LSAMP: variants seen among roughly 807,000 people sequenced by gnomAD.
LSAMP encodes the protein limbic system-associated membrane protein.
A neutral mutation model predicts 38.6 loss-of-function variants in LSAMP; 7 were observed. The ratio of observed to expected loss-of-function variants is 0.18; its 90% CI spans 0.10 to 0.34. The LOEUF is 0.34. Among genes scored for constraint, LSAMP ranks in the 10% least tolerant of loss-of-function variants. The probability of loss-of-function intolerance (pLI) is 1.00; values close to 1 mark genes in which losing one functional copy is unlikely to be tolerated. For missense variants in LSAMP, 313 were observed against 420.0 expected (o/e 0.75, Z 2.23); for synonymous variants, 154 against 166.8 (o/e 0.92, Z 0.59).
chr3:116,111,422 T>A (rs1708612786), intron 1 of LSAMP, among the ~76,000 whole-genome samples: 1 of 152,184 alleles, frequency 6.6e-6, no homozygotes, highest in African/African-American at 2.4e-5. Flanking sequence ...GCTCATAAAT[T>A]TTCACTGAGA....
intron 4 of LSAMP, among the ~76,000 whole-genome samples, chr3:115,848,644 G>A (rs1395894232): frequency 1.3e-5 from 2 of 152,190 alleles, no homozygotes; most frequent in African/African-American, 4.8e-5. Flanking sequence ...CTCCCCAAGT[G>A]CCCCAGCATG....
intron 6 of LSAMP, among the ~76,000 whole-genome samples, chr3:115,814,533 A>G (rs1000934178): frequency 6.6e-6 from 1 of 152,218 alleles, no homozygotes; most frequent in African/African-American, 2.4e-5. Context: ...GTATGCTTAG[A>G]GACATTTTGT....
intron 3 of LSAMP, among the ~76,000 whole-genome samples, chr3:115,967,721 G>A (rs757691946): frequency 2.0e-5 from 3 of 152,146 alleles, no homozygotes; most frequent in Non-Finnish European, 2.9e-5. Flanking sequence ...TATGTGGATG[G>A]CAGCAGGCAA....
At chr3:116,059,492 C>G (rs1576338869) in intron 2 of LSAMP, among the ~76,000 whole-genome samples, 4 of 152,156 alleles carry the variant, frequency 2.6e-5, no homozygotes, top group South Asian at 2.1e-4. Flanking sequence ...CTTCGTTCTA[C>G]TTTTCTGAGC....
intron 1 of LSAMP, among the ~76,000 whole-genome samples, chr3:116,280,382 G>A (rs1178021345): frequency 6.6e-6 from 1 of 152,190 alleles, no homozygotes; most frequent in Admixed American, 6.5e-5. Flanking sequence ...TTAGTCCTCT[G>A]CTTTCTTTCT....
Position 116,281,454 on chromosome 3 carries a change from A to C in LSAMP, c.155+163423T>G, listed in dbSNP as rs190331718. On this transcript the variant is annotated intron_variant, in intron 1 of 6. Coordinates refer to ENST00000490035, the MANE Select transcript of LSAMP (RefSeq NM_002338.5). ...GCTATCATAACTGATAAATGCAAAC[A>C]GAGGAGCCATATTTCATCTTTACAA... Among the ~76,000 whole-genome samples the C allele has an allele frequency of 7.4e-4, 113 of 152,290 alleles. 1 individual carries two copies. The highest frequency in any genetic ancestry group is 1.3e-3 in the Non-Finnish European group (87 of 68,008).
At chr3:116,046,471 A>T (rs1941291108) in intron 2 of LSAMP, among the ~76,000 whole-genome samples, 1 of 152,190 alleles carries the variant, frequency 6.6e-6, no homozygotes, top group African/African-American at 2.4e-5. Flanking sequence ...GGTCTAATTG[A>T]TTTGGACACC....
At chr3:115,860,093 G>A (rs1935630770) in intron 3 of LSAMP, among the ~76,000 whole-genome samples, 1 of 152,222 alleles carries the variant, frequency 6.6e-6, no homozygotes, top group South Asian at 2.1e-4. Context: ...GTAGCACAAT[G>A]TCGGAACCTA....
intron 1 of LSAMP, among the ~76,000 whole-genome samples, chr3:116,171,310 T>C (rs551783343): frequency 6.6e-6 from 1 of 152,288 alleles, no homozygotes; most frequent in East Asian, 1.9e-4. Flanking sequence ...TTTGGATTAA[T>C]AAGACTATAT....
At chr3:116,109,948 G>A (rs1175047257) in intron 1 of LSAMP, among the ~76,000 whole-genome samples, 2 of 149,502 alleles carry the variant, frequency 1.3e-5, no homozygotes, top group Admixed American at 1.3e-4. Flanking sequence ...TTGGGGCACA[G>A]AGATAAGAGG....
At chr3:116,199,497 G>T (rs2045961582) in intron 1 of LSAMP, among the ~76,000 whole-genome samples, 2 of 152,136 alleles carry the variant, frequency 1.3e-5, no homozygotes, top group African/African-American at 4.8e-5. Context: ...TCAATTTTGT[G>T]GTCCCAGAAC....
intron 1 of LSAMP, among the ~76,000 whole-genome samples, chr3:116,410,497 T>TA (rs2048958414): frequency 6.7e-6 from 1 of 149,934 alleles, no homozygotes; most frequent in Admixed American, 6.7e-5. Context: ...TAGCCATTTT[T>TA]TTTTTAAACT....
At chr3:116,227,569 A>AT (rs993518424) in intron 1 of LSAMP, among the ~76,000 whole-genome samples, 13 of 151,882 alleles carry the variant, frequency 8.6e-5, no homozygotes, top group East Asian at 1.9e-4. Context: ...CAGTCAACCT[A>AT]TTTTTTCTCT....
At position 116,168,401 on chromosome 3, in the gene LSAMP, G is replaced by A. The variant is rs191132061; in HGVS notation, c.156-81845C>T. On this transcript the variant is annotated intron_variant, in intron 1 of 6. Coordinates refer to ENST00000490035, the MANE Select transcript of LSAMP (RefSeq NM_002338.5). ...AAAAAAACCCATCATTTTATTGTCA[G>A]TTTTGTTCCAATCAATCCACCCCTT... is the stretch of plus-strand genomic sequence containing the variant. Among the ~76,000 whole-genome samples, 17 of 152,216 alleles carry A rather than the reference G, an allele frequency of 1.1e-4. No individual in the cohort carries two copies. In the East Asian group the frequency reaches 3.3e-3, roughly 29 times the overall value.
chr3:116,386,183 A>G (rs1404987840), intron 1 of LSAMP, among the ~76,000 whole-genome samples: 1 of 152,140 alleles, frequency 6.6e-6, no homozygotes, highest in Non-Finnish European at 1.5e-5. Context: ...ACTGCCAATA[A>G]CACAATGGTT....
intron 1 of LSAMP, among the ~76,000 whole-genome samples, chr3:116,274,141 T>G (rs2047016721): frequency 6.6e-6 from 1 of 152,178 alleles, no homozygotes; most frequent in Non-Finnish European, 1.5e-5. Context: ...CTACCCCACC[T>G]TCTAACTGCC....
At chr3:116,039,994 T>G (rs947013394) in intron 2 of LSAMP, among the ~76,000 whole-genome samples, 6 of 151,292 alleles carry the variant, frequency 4.0e-5, no homozygotes, top group African/African-American at 1.5e-4. Flanking sequence ...TGCCTCTCTT[T>G]GGGGGGGGAA....
intron 3 of LSAMP, 61 bp downstream of exon 3, chr3:116,019,454 C>T: frequency 6.4e-7 from 1 of 1,572,584 alleles, no homozygotes; most frequent in African/African-American, 1.4e-5. Flanking sequence ...CAGCAGAATT[C>T]CAGGAGCATG....
chr3:115,962,548 C>T (rs4277685), intron 3 of LSAMP, among the ~76,000 whole-genome samples: 21,871 of 152,084 alleles, frequency 0.14, 1,718 homozygotes, highest in Non-Finnish European at 0.18. Context: ...ATTTGCAAAA[C>T]GGGAATAAAA....
Sources: gnomAD v4.1 joint callset for allele counts (sites outside exome capture counted in the v4.1 genomes callset) on GRCh38, gnomAD v4.1.1 for gene constraint, MANE v1.5 for transcripts, NCBI Gene and HGNC (gene_info 2026-07-23, HGNC 2026-07-21) for gene names.